The following EXOC4 variants were observed in gnomAD, a reference collection of about 807,000 sequenced individuals.
The protein encoded by EXOC4 is exocyst complex component 4.
A neutral mutation model predicts 107.2 loss-of-function variants in EXOC4; 71 were observed. That is an observed-to-expected ratio of 0.66 (90% CI 0.55 to 0.81). The LOEUF (loss-of-function observed/expected upper bound fraction) is 0.81, where lower values mean the gene tolerates loss of function less well. Among genes scored for constraint, EXOC4 ranks in the 30% least tolerant of loss-of-function variants. EXOC4 has a pLI of 0.00. For missense variants in EXOC4, 1,108 were observed against 1,189.6 expected (o/e 0.93, Z 1.01); for synonymous variants, 456 against 441.2 (o/e 1.03, Z -0.42).
At chr7:134,032,590 T>C (rs1311002282) in intron 17 of EXOC4, among the ~76,000 whole-genome samples, 1 of 152,196 alleles carries the variant, frequency 6.6e-6, no homozygotes, top group Non-Finnish European at 1.5e-5. Flanking sequence ...GGGGCCTCAC[T>C]GGTGAAGGGA....
chr7:134,021,722 GAAAAAAAAAA>G (rs60762484), intron 17 of EXOC4, among the ~76,000 whole-genome samples: 47 of 53,746 alleles, frequency 8.7e-4, no homozygotes, highest in Admixed American at 8.7e-3. Flanking sequence ...AGTCAAACCA[GAAAAAAAAAA>G]AAAAAAAAAA....
chr7:133,543,251 TCCCC>T (rs1253829229), intron 9 of EXOC4, among the ~76,000 whole-genome samples: 2 of 152,144 alleles, frequency 1.3e-5, no homozygotes, highest in Non-Finnish European at 2.9e-5. Flanking sequence ...CCTAAGGTTT[TCCCC>T]TAAGGCAAAT....
At chr7:134,066,997 A>G (rs993275828), downstream of EXOC4, among the ~76,000 whole-genome samples, 4 of 151,960 alleles carry the variant, frequency 2.6e-5, no homozygotes, top group African/African-American at 9.7e-5. Flanking sequence ...CTAAAAATAC[A>G]AAAATTAGCT....
chr7:133,768,544 C>T (rs1255294963), intron 10 of EXOC4: 1 of 151,850 alleles, frequency 6.6e-6, no homozygotes, highest in Non-Finnish European at 1.5e-5. Flanking sequence ...AAACTGTCAC[C>T]AAGATTAGTT....
At chr7:133,464,350 A>G (rs1342074370) in intron 7 of EXOC4, among the ~76,000 whole-genome samples, 2 of 152,216 alleles carry the variant, frequency 1.3e-5, no homozygotes, top group Non-Finnish European at 2.9e-5. Context: ...TCACATAACT[A>G]GTAAGTAGTA....
chr7:133,856,661 T>C (rs1227908913), intron 11 of EXOC4, among the ~76,000 whole-genome samples: 1 of 152,142 alleles, frequency 6.6e-6, no homozygotes, highest in Non-Finnish European at 1.5e-5. Flanking sequence ...TAACTATGAA[T>C]TGGAATGGGT....
intron 9 of EXOC4, among the ~76,000 whole-genome samples, chr7:133,508,523 C>T (rs569389357): frequency 6.6e-6 from 1 of 152,258 alleles, no homozygotes; most frequent in East Asian, 1.9e-4. Flanking sequence ...TAGGAATTAT[C>T]TTATTTCCCC....
chr7:133,823,827 T>TAC (rs1797585134), intron 11 of EXOC4, among the ~76,000 whole-genome samples: 1 of 25,790 alleles, frequency 3.9e-5, no homozygotes, highest in South Asian at 1.4e-3. Flanking sequence ...AATACATACA[T>TAC]ATATATATAT....
In EXOC4 at chr7:133,856,766, G is replaced by GGCCC. The variant is rs1464063847; in HGVS notation, c.1735-38833_1735-38832insGCCC. On this transcript the variant is annotated intron_variant, in intron 11 of 17. Transcript: ENST00000253861. Reference sequence around the variant, plus strand: ...ATGCCTCTTGGGCCCTACTTGATAGGTTCTTATCTAAAGCCATAAATGCAA... The same window carrying GGCCC: ...ATGCCTCTTGGGCCCTACTTGATAGGGCCCTTCTTATCTAAAGCCATAAATGCAA... 7.9e-5 allele frequency among the ~76,000 whole-genome samples: 12 copies of GGCCC among 151,986 alleles called. No individual in the cohort carries two copies. The East Asian group carries it at 2.1e-3, about 27-fold the overall frequency.
chr7:133,467,098 C>G (rs1023320368), intron 7 of EXOC4, among the ~76,000 whole-genome samples: 1 of 152,022 alleles, frequency 6.6e-6, no homozygotes, highest in Non-Finnish European at 1.5e-5. Context: ...GCGTATATTC[C>G]AAACAAAATT....
At chr7:133,632,365 A>G (rs539110187) in intron 10 of EXOC4, among the ~76,000 whole-genome samples, 1 of 152,196 alleles carries the variant, frequency 6.6e-6, no homozygotes, top group East Asian at 1.9e-4. Context: ...TGTATCTCTT[A>G]ATGGAAATCC....
At chr7:133,844,317 A>G (rs947158993) in intron 11 of EXOC4, among the ~76,000 whole-genome samples, 4 of 124,400 alleles carry the variant, frequency 3.2e-5, no homozygotes, top group Middle Eastern at 5.6e-3. Context: ...ACCTCAAACT[A>G]TTTCTAATCT....
At chr7:134,037,266 C>T (rs1233505391) in intron 17 of EXOC4, among the ~76,000 whole-genome samples, 5 of 152,152 alleles carry the variant, frequency 3.3e-5, no homozygotes, top group Non-Finnish European at 7.3e-5. Context: ...TGCCCAGATC[C>T]GGATCCTACA....
chr7:134,049,703 C>G (rs979119788), intron 17 of EXOC4, among the ~76,000 whole-genome samples: 2 of 152,346 alleles, frequency 1.3e-5, no homozygotes, highest in East Asian at 1.9e-4. Context: ...ACTTTCACAC[C>G]AGACTCTGCA....
chr7:134,090,891 G>A, the EXOC4 span, among the ~76,000 whole-genome samples: 3,548 of 151,986 alleles, frequency 0.023, 80 homozygotes, highest in East Asian at 0.079. Context: ...ACCGAGAGGG[G>A]CCTCTAACCC....
chr7:134,049,614 C>T (rs1476734972), intron 17 of EXOC4, among the ~76,000 whole-genome samples: 5 of 152,194 alleles, frequency 3.3e-5, no homozygotes, highest in Non-Finnish European at 5.9e-5. Context: ...GCCCTTCCTG[C>T]CTGTGATCTT....
chr7:134,004,938 C>G lies in EXOC4; in HGVS notation c.2375C>G (p.Pro792Arg). ...GTTCACTGTTTCCACTATCTTATCC[C>G]TCTTGCAAAGGAGGGGAACTATGCC... is the stretch of plus-strand genomic sequence containing the variant. ...VRVHCFHYLI[P>R]LAKEGNYAIV... The change falls in exon 16 of 18, where the codon CCT becomes CGT. Residue 792 changes from proline (P) to arginine (R), a missense_variant. Physicochemically the swap from Pro to Arg is moderately radical, Grantham distance 103. Coordinates refer to ENST00000253861, the MANE Select transcript of EXOC4 (RefSeq NM_021807.4). 1 of 1,613,272 alleles carries G rather than the reference C, an allele frequency of 6.2e-7. No individual in the cohort carries two copies. The highest frequency in any genetic ancestry group is 1.1e-5 in the South Asian group (1 of 91,022).
chr7:133,971,511 G>T (rs2971969), intron 14 of EXOC4, among the ~76,000 whole-genome samples: 102,882 of 150,740 alleles, frequency 0.68, 35,460 homozygotes, highest in East Asian at 0.91. Context: ...TCTTATAGAA[G>T]ATTGTCTTAC....
At chr7:134,098,141 A>G in the EXOC4 span, among the ~76,000 whole-genome samples, 1 of 152,048 alleles carries the variant, frequency 6.6e-6, no homozygotes, top group Non-Finnish European at 1.5e-5. Flanking sequence ...AATTCCAAAC[A>G]TATTCTTCAG....
Sources: allele counts gnomAD v4.1 joint callset (sites outside exome capture counted in the v4.1 genomes callset), GRCh38; gene constraint gnomAD v4.1.1; transcripts MANE v1.5; gene names NCBI Gene and HGNC (gene_info 2026-07-23, HGNC 2026-07-21).